ALPL: variants seen among roughly 807,000 people sequenced by gnomAD.
ALPL encodes alkaline phosphatase, tissue-nonspecific isozyme.
In ALPL, 42 loss-of-function variants were observed where a neutral mutation model predicts 51.3. The observed-to-expected ratio is 0.82, with a 90% CI of 0.64 to 1.06. ALPL has a LOEUF of 1.06. Among genes scored for constraint, ALPL ranks in the 50% least tolerant of loss-of-function variants. The pLI is 0.00. For synonymous variants in ALPL, 279 were observed against 296.4 expected, an observed-to-expected ratio of 0.94 and a Z score of 0.60; for missense variants, 589 against 709.4, an observed-to-expected ratio of 0.83 and a Z score of 1.93.
intron 8 of ALPL, among the ~76,000 whole-genome samples, chr1:21,570,878 C>G (rs1294306851): frequency 6.6e-6 from 1 of 152,230 alleles, no homozygotes; most frequent in South Asian, 2.1e-4. Flanking sequence ...GCCCTGAGCA[C>G]CACCATGCAG....
At chr1:21,576,284 T>TGGGTGGAG in intron 10 of ALPL, among the ~76,000 whole-genome samples, 1 of 147,774 alleles carries the variant, frequency 6.8e-6, no homozygotes, top group African/African-American at 2.5e-5. Context: ...GATGGATGGA[T>TGGGTGGAG]GGGTGGATGG....
upstream of ALPL, chr1:21,509,361 C>G (rs1643633168): frequency 6.7e-6 from 1 of 148,376 alleles, no homozygotes; most frequent in African/African-American, 2.5e-5. The surrounding 1 kb of genome is among the most constrained non-coding windows in gnomAD (Gnocchi z 6.0). Flanking sequence ...AGGGGGCGGG[C>G]TGCCCGGGCC....
chr1:21,537,393 A>T (rs953319066), intron 1 of ALPL, among the ~76,000 whole-genome samples: 3 of 152,208 alleles, frequency 2.0e-5, no homozygotes, highest in African/African-American at 7.2e-5. Context: ...GGCCAACGTG[A>T]CTGAAGCCCC....
chr1:21,563,090 C>T lies in ALPL; in HGVS notation c.298-20C>T, dbSNP rs1321529601. 6.2e-7 allele frequency: 1 copy of T among 1,613,358 alleles called. No homozygotes were observed. ...GGGCGAAGGCCTGGCCATCTCCTGA[C>T]CCTCCTCTCCCACCTGCAGACGTAC... On this transcript the variant is annotated intron_variant, in intron 4 of 11. Transcript: ENST00000374840.
In ALPL at chr1:21,573,813, G is replaced by A; in HGVS notation, c.997+14G>A. ...TGCTGGTGGAAGGTAGGGACCCCGG[G>A]TCTGCTGAGAGGGGGCTGCTGGAAA... On this transcript the variant is annotated intron_variant, in intron 9 of 11. Coordinates refer to ENST00000374840, the MANE Select transcript of ALPL (RefSeq NM_000478.6). 1 of 1,614,150 alleles carries A rather than the reference G, an allele frequency of 6.2e-7. No homozygotes were observed. Among genetic ancestry groups the A allele is most frequent in the South Asian group, 1.1e-5 (1 of 91,078 alleles).
chr1:21,573,169 C>T (rs1644673508), intron 8 of ALPL, among the ~76,000 whole-genome samples: 1 of 152,240 alleles, frequency 6.6e-6, no homozygotes, highest in Non-Finnish European at 1.5e-5. Context: ...TGCGGAGGCT[C>T]ACGCCTGTAA....
At chr1:21,511,571 A>G (rs1643687993) in intron 1 of ALPL, among the ~76,000 whole-genome samples, 1 of 152,202 alleles carries the variant, frequency 6.6e-6, no homozygotes, top group South Asian at 2.1e-4. Flanking sequence ...ACTTCTGCCC[A>G]GGCCCTTCCC....
At chr1:21,553,944 C>T (rs1052718255) in intron 1 of ALPL, 34 bp from the exon 2 acceptor site, 5 of 756,470 alleles carry the variant, frequency 6.6e-6, no homozygotes, top group Non-Finnish European at 1.2e-5. Flanking sequence ...AGCTGTGCCC[C>T]ACATGCCTCT....
In ALPL at chr1:21,577,706, G is replaced by GCC; in HGVS notation, c.*65_*66dup. ...ACAGATGCCAACTTCCCACACGGCA[G>GCC]CCCCCCCCTCAAGGGGCAGGGAGGT... On this transcript the variant is annotated 3_prime_UTR_variant, in exon 12 of 12. Transcript: ENST00000374840. The GCC allele has an allele frequency of 6.4e-7, 1 of 1,551,304 alleles. No individual in the cohort carries two copies. The highest frequency in any genetic ancestry group is 8.7e-7 in the Non-Finnish European group (1 of 1,153,906).
At chr1:21,530,623 C>T (rs1447618264) in intron 1 of ALPL, among the ~76,000 whole-genome samples, 1 of 152,014 alleles carries the variant, frequency 6.6e-6, no homozygotes, top group Non-Finnish European at 1.5e-5. Flanking sequence ...CAGGGAGAAA[C>T]AGTGAGGAGA....
chr1:21,555,982 A>G (rs1375929376), intron 2 of ALPL, among the ~76,000 whole-genome samples: 1 of 151,924 alleles, frequency 6.6e-6, no homozygotes, highest in Non-Finnish European at 1.5e-5. Context: ...CATGTTAGCC[A>G]GGATGGTCTC....
chr1:21,540,590 T>G (rs577364879), intron 1 of ALPL, among the ~76,000 whole-genome samples: 150 of 152,334 alleles, frequency 9.8e-4, no homozygotes, highest in African/African-American at 3.5e-3. Context: ...CAGGCCGTGC[T>G]TGGGGAGCAG....
chr1:21,535,679 A>AC (rs775638612), intron 1 of ALPL, among the ~76,000 whole-genome samples: 78 of 152,202 alleles, frequency 5.1e-4, no homozygotes, highest in Middle Eastern at 3.4e-3. Flanking sequence ...AGAAGTCAAG[A>AC]CCTTCAGGCA....
intron 1 of ALPL, among the ~76,000 whole-genome samples, chr1:21,538,062 C>G (rs1644133498): frequency 1.3e-5 from 2 of 152,234 alleles, no homozygotes; most frequent in Admixed American, 1.3e-4. Flanking sequence ...CACTCGTGAT[C>G]ACTGTTACTT....
Position 21,568,454 on chromosome 1 carries a change from C to T in ALPL, c.792+207C>T, listed in dbSNP as rs3738096. 0.18 allele frequency among the ~76,000 whole-genome samples: 26,791 copies of T among 151,862 alleles called. 2,896 individuals carry two copies. The highest frequency in any genetic ancestry group is 0.45 in the East Asian group (2,317 of 5,102). ...CCTTGGAGGGGATACCAGAGAGAGGCGGATGGTGAGGAGGAGGCTGGGCCA... is the reference window on the plus strand; with the variant it reads ...CCTTGGAGGGGATACCAGAGAGAGGTGGATGGTGAGGAGGAGGCTGGGCCA... On this transcript the variant is annotated intron_variant, in intron 7 of 11. Transcript: ENST00000374840.
intron 1 of ALPL, among the ~76,000 whole-genome samples, chr1:21,536,516 C>T (rs1644107709): frequency 1.3e-5 from 2 of 152,132 alleles, no homozygotes; most frequent in African/African-American, 2.4e-5. Flanking sequence ...CATCTAGGAG[C>T]CCAAGTGATG....
At chr1:21,568,575 G>A (rs1388416473) in intron 7 of ALPL, among the ~76,000 whole-genome samples, 1 of 152,118 alleles carries the variant, frequency 6.6e-6, no homozygotes, top group East Asian at 1.9e-4. Flanking sequence ...GAGTCAGATG[G>A]CCAAGGAAAC....
intron 1 of ALPL, among the ~76,000 whole-genome samples, chr1:21,516,896 C>G (rs1188453591): frequency 6.6e-6 from 1 of 152,026 alleles, no homozygotes; most frequent in African/African-American, 2.4e-5. Context: ...GGTTTTTGTC[C>G]TGGAATTGTA....
At chr1:21,542,795 G>A (rs1227891520) in intron 1 of ALPL, among the ~76,000 whole-genome samples, 2 of 152,122 alleles carry the variant, frequency 1.3e-5, no homozygotes, top group Admixed American at 6.5e-5. Context: ...CCGAGATTGC[G>A]CTACTGCACT....
Sources: allele counts gnomAD v4.1 joint callset (sites outside exome capture counted in the v4.1 genomes callset), GRCh38; gene constraint gnomAD v4.1.1; non-coding constraint Gnocchi (gnomAD v3.1); transcripts MANE v1.5; gene names NCBI Gene and HGNC (gene_info 2026-07-23, HGNC 2026-07-21).